Variants in HUNK observed in about 807,000 individuals in gnomAD.
HUNK encodes hormonally up-regulated neu tumor-associated kinase.
Under a neutral mutation model 61.0 loss-of-function variants are expected in HUNK, and 21 were observed. The ratio of observed to expected loss-of-function variants is 0.34; its 90% CI spans 0.24 to 0.50. The LOEUF (loss-of-function observed/expected upper bound fraction) is 0.50. Among genes scored for constraint, HUNK ranks in the 20% least tolerant of loss-of-function variants. HUNK has a pLI of 0.98. For synonymous variants in HUNK, 371 were observed against 386.1 expected, an observed-to-expected ratio of 0.96 and a Z score of 0.46; for missense variants, 772 against 945.7, an observed-to-expected ratio of 0.82 and a Z score of 2.41.
At chr21:31,914,411 A>G (rs2052567916) in intron 1 of HUNK, among the ~76,000 whole-genome samples, 2 of 125,128 alleles carry the variant, frequency 1.6e-5, no homozygotes, top group Admixed American at 1.5e-4. Context: ...TCTGTCTCAA[A>G]AAAAAAAAAA....
chr21:31,904,910 C>G (rs1601369164), intron 1 of HUNK, among the ~76,000 whole-genome samples: 1 of 152,088 alleles, frequency 6.6e-6, no homozygotes, highest in South Asian at 2.1e-4. Flanking sequence ...TGGCCTCAAA[C>G]CCTGTCTGTA....
At chr21:31,909,596 G>C (rs562391117) in intron 1 of HUNK, among the ~76,000 whole-genome samples, 1 of 152,326 alleles carries the variant, frequency 6.6e-6, no homozygotes, top group East Asian at 1.9e-4. Context: ...AGCAGCAGGA[G>C]GGTGGCCAGT....
intron 7 of HUNK, among the ~76,000 whole-genome samples, chr21:31,977,287 A>G (rs1158692723): frequency 6.6e-6 from 1 of 152,220 alleles, no homozygotes; most frequent in Non-Finnish European, 1.5e-5. Context: ...GCTATAGAGG[A>G]TGAAAGTTAA....
Position 31,993,685 on chromosome 21 carries a change from C to A in HUNK, c.1306-2083C>A, listed in dbSNP as rs1360371319. 2.0e-5 allele frequency among the ~76,000 whole-genome samples: 3 copies of A among 152,260 alleles called. No homozygotes were observed. In the South Asian group the frequency reaches 6.2e-4, roughly 32 times the overall value. On this transcript the variant is annotated intron_variant, in intron 9 of 10. Transcript: ENST00000270112. ...GTGTGTGTAAGCGTGTGTGCAAAAG[C>A]TTGTTCTCCTTTGCCTTGGAGAAGG...
At chr21:31,903,282 T>G (rs1422251453) in intron 1 of HUNK, among the ~76,000 whole-genome samples, 4 of 152,200 alleles carry the variant, frequency 2.6e-5, no homozygotes, top group Admixed American at 2.6e-4. Context: ...TAATGATTAG[T>G]TCTTGTAAGT....
intron 1 of HUNK, among the ~76,000 whole-genome samples, chr21:31,920,775 TCTAG>T (rs1475333324): frequency 6.6e-6 from 1 of 152,138 alleles, no homozygotes; most frequent in Non-Finnish European, 1.5e-5. Context: ...CAGGGGCTCT[TCTAG>T]CCTGTCTGGT....
At chr21:31,932,066 C>G (rs573561186) in intron 2 of HUNK, among the ~76,000 whole-genome samples, 1 of 152,354 alleles carries the variant, frequency 6.6e-6, no homozygotes, top group African/African-American at 2.4e-5. Context: ...CACACCCACA[C>G]ACGTACACTC....
chr21:31,897,856 C>T (rs563159539), intron 1 of HUNK, among the ~76,000 whole-genome samples: 1 of 152,206 alleles, frequency 6.6e-6, no homozygotes, highest in East Asian at 1.9e-4. Context: ...CCTGGACCTT[C>T]TAGGTAGCTT....
chr21:31,916,722 G>T (rs1283569645), intron 1 of HUNK, among the ~76,000 whole-genome samples: 1 of 151,374 alleles, frequency 6.6e-6, no homozygotes, highest in African/African-American at 2.4e-5. Context: ...TGTCACCCAG[G>T]CTGGAGTGCA....
At chr21:31,875,373 G>A (rs924129123) in intron 1 of HUNK, among the ~76,000 whole-genome samples, 8 of 152,156 alleles carry the variant, frequency 5.3e-5, no homozygotes, top group Non-Finnish European at 1.2e-4. Context: ...CCCTACAGCC[G>A]TTTTGAGTGA....
At chr21:31,878,654 G>T (rs1011727137) in intron 1 of HUNK, among the ~76,000 whole-genome samples, 1 of 152,194 alleles carries the variant, frequency 6.6e-6, no homozygotes, top group Non-Finnish European at 1.5e-5. Context: ...AGAATTGCTT[G>T]AACCCTGGTG....
chr21:31,971,852 C>G (rs1489903393), intron 6 of HUNK, among the ~76,000 whole-genome samples: 1 of 137,108 alleles, frequency 7.3e-6, no homozygotes, highest in African/African-American at 2.8e-5. Context: ...TTTTTTGAGA[C>G]AAGTCTTCCT....
At chr21:31,938,945 G>A (rs67287435) in intron 2 of HUNK, among the ~76,000 whole-genome samples, 24,968 of 152,112 alleles carry the variant, frequency 0.16, 2,991 homozygotes, top group African/African-American at 0.33. Flanking sequence ...TGATCTCATC[G>A]GTAATCTGGA....
chr21:31,998,579 G>A lies in HUNK; in HGVS notation c.1540G>A (p.Ala514Thr). 1 of 1,610,180 alleles carries A rather than the reference G, an allele frequency of 6.2e-7. No homozygotes were observed. The highest frequency in any genetic ancestry group is 8.5e-7 in the Non-Finnish European group (1 of 1,178,732). The change falls in exon 11 of 11, where the codon GCT becomes ACT. Residue 514 changes from alanine to threonine, a missense_variant. By Grantham distance (58) the Ala-to-Thr change is moderately conservative. Transcript: ENST00000270112. ...FRKTSDSNCVASSSMEFIPVP... is the reference protein window; with the variant it reads ...FRKTSDSNCVTSSSMEFIPVP... ...CAAAACCTCAGATTCCAATTGTGTG[G>A]CTTCTTCTTCCATGGAGTTCATCCC... is the stretch of plus-strand genomic sequence containing the variant.
In HUNK at chr21:31,999,350, A is replaced by C; in HGVS notation, c.*166A>C. The C allele has an allele frequency of 3.4e-6, 2 of 593,958 alleles. No individual in the cohort carries two copies. The highest frequency in any genetic ancestry group is 5.6e-5 in the South Asian group (2 of 35,748). The allele number at this position is 593,958 out of a possible 1,614,324, so 36.8% of individuals were successfully genotyped here. A position where few individuals can be genotyped will look rare whatever the true frequency, so the allele number is the denominator to read the frequency against. ...CTGCACAACCCAACCTCGCTTAGGG[A>C]CCCCCAGAGATGCTGGAATCGCTAG... On this transcript the variant is annotated 3_prime_UTR_variant, in exon 11 of 11. Transcript: ENST00000270112.
At chr21:31,958,699 C>T in intron 4 of HUNK, 144 bp from the exon 5 acceptor site, 1 of 705,614 alleles carries the variant, frequency 1.4e-6, no homozygotes. Context: ...TGACACTGAG[C>T]ATTCTACAAA....
chr21:31,942,303 C>T (rs2052774298), intron 3 of HUNK, among the ~76,000 whole-genome samples: 2 of 152,208 alleles, frequency 1.3e-5, no homozygotes, highest in Non-Finnish European at 2.9e-5. Context: ...TCCCTTTCCT[C>T]TTGCCCCTCT....
intron 1 of HUNK, among the ~76,000 whole-genome samples, chr21:31,905,986 AT>A (rs71320209): frequency 8.1e-5 from 12 of 148,998 alleles, no homozygotes; most frequent in Admixed American, 1.3e-4. Flanking sequence ...TGTTATTTTA[AT>A]TTTTTTTTTT....
intron 2 of HUNK, among the ~76,000 whole-genome samples, chr21:31,939,399 G>GT (rs398036365): frequency 0.065 from 4,337 of 66,716 alleles, 1,046 homozygotes; most frequent in African/African-American, 0.12. Context: ...GCTTTCATGT[G>GT]TTTTTTTTTT....
Sources: gnomAD v4.1 joint callset for allele counts (sites outside exome capture counted in the v4.1 genomes callset) on GRCh38, gnomAD v4.1.1 for gene constraint, MANE v1.5 for transcripts, NCBI Gene and HGNC (gene_info 2026-07-23, HGNC 2026-07-21) for gene names.